DNAAF2: variants seen among roughly 807,000 people sequenced by gnomAD.
The protein encoded by DNAAF2 is dynein axonemal assembly factor 2.
Under a neutral mutation model 48.8 loss-of-function variants are expected in DNAAF2, and 58 were observed. The observed-to-expected ratio is 1.19, with a 90% CI of 0.96 to 1.48. DNAAF2 has a LOEUF of 1.48. Ranked by LOEUF, DNAAF2 falls within the 40% of genes most tolerant of loss-of-function variation. The pLI is 0.00. For synonymous variants in DNAAF2, 567 were observed against 481.2 expected (o/e 1.18, Z -2.33); for missense variants, 1,241 against 1,116.1 (o/e 1.11, Z -1.59).
intron 2 of DNAAF2, among the ~76,000 whole-genome samples, chr14:49,627,353 C>G (rs1364317080): frequency 6.6e-6 from 1 of 151,898 alleles, no homozygotes; most frequent in Non-Finnish European, 1.5e-5. Context: ...TAAAAATGAC[C>G]AAAATTAAGA....
At chr14:49,631,503 T>G (rs1883163987) in intron 1 of DNAAF2, among the ~76,000 whole-genome samples, 1 of 152,138 alleles carries the variant, frequency 6.6e-6, no homozygotes, top group Non-Finnish European at 1.5e-5. Flanking sequence ...CAGGTGCCTG[T>G]AGGCCCAGCT....
intron 1 of DNAAF2, among the ~76,000 whole-genome samples, chr14:49,631,221 C>A (rs561135248): frequency 1.8e-4 from 28 of 152,296 alleles, no homozygotes; most frequent in Admixed American, 1.5e-3. Context: ...TTCTAAGGTT[C>A]ATGCCTCTGG....
rs1337764174 is a variant in DNAAF2, at chr14:49,625,954, C to A, written c.2102G>T (p.Cys701Phe). 2 of 1,612,252 alleles carry A rather than the reference C, an allele frequency of 1.2e-6. No homozygotes were observed. Among genetic ancestry groups the A allele is most frequent in the Non-Finnish European group, 1.7e-6 (2 of 1,179,408 alleles). ...ATCAGAATCAGTTGTAGGGGTGTTA[C>A]AATGTTCTATATATTCCTTTTCAGT... Reference protein sequence around the residue: ...HLTEKEYIEHCNTPTTDSDSS... With the variant: ...HLTEKEYIEHFNTPTTDSDSS... Residue 701 changes from cysteine to phenylalanine, a missense_variant, in exon 3 of 3, where the codon TGT becomes TTT. Transcript: ENST00000298292.
At chr14:49,626,799 CTTTTTTTTTTT>C (rs34085502) in intron 2 of DNAAF2, among the ~76,000 whole-genome samples, 5 of 63,384 alleles carry the variant, frequency 7.9e-5, no homozygotes, top group South Asian at 7.3e-4. Flanking sequence ...TGCTGCCAGT[CTTTTTTTTTTT>C]TTTTTTTTTT....
intron 1 of DNAAF2, among the ~76,000 whole-genome samples, chr14:49,631,643 G>C (rs1171638546): frequency 1.3e-5 from 2 of 152,022 alleles, no homozygotes; most frequent in African/African-American, 4.8e-5. Context: ...CAGAAGATTT[G>C]CATAAACTTG....
At chr14:49,628,972 T>G (rs1395452374) in intron 1 of DNAAF2, among the ~76,000 whole-genome samples, 1 of 149,246 alleles carries the variant, frequency 6.7e-6, no homozygotes, top group East Asian at 1.9e-4. Flanking sequence ...TTTGTTTGAT[T>G]TTGTTTTTGA....
chr14:49,634,604 G>A lies in DNAAF2; in HGVS notation c.546C>T (p.Arg182=). 6.2e-7 allele frequency: 1 copy of A among 1,606,596 alleles called. No individual in the cohort carries two copies. The highest frequency in any genetic ancestry group is 8.5e-7 in the Non-Finnish European group (1 of 1,179,726). The part of the protein sequence containing the change: ...VEKQFGVKLD[R]RNAKTLKAKY... Reference sequence around the variant, plus strand: ...TGGCCTTCAGGGTCTTGGCATTCCTGCGGTCCAGCTTCACGCCGAACTGCT... The same window carrying A: ...TGGCCTTCAGGGTCTTGGCATTCCTACGGTCCAGCTTCACGCCGAACTGCT... Residue 182 remains arginine, a synonymous_variant, in exon 1 of 3, where the codon CGC becomes CGT. Coordinates refer to ENST00000298292, the MANE Select transcript of DNAAF2 (RefSeq NM_018139.3).
rs1175004755 is a variant in DNAAF2 at position 49,628,072 on chromosome 14, C to T, written c.1947G>A (p.Leu649=). The T allele has an allele frequency of 9.3e-5, 147 of 1,582,476 alleles. No individual in the cohort carries two copies. Among genetic ancestry groups the T allele is most frequent in the Non-Finnish European group, 1.2e-4 (143 of 1,162,614 alleles). ...GAAGAACTTCAATTAATGGTGGGGT[C>T]AAGGACATAGACTGTTTGAATGGAG... ...LSSPFKQSMS[L]TPPLIEVLQV... Residue 649 remains leucine (L), a synonymous_variant, in exon 2 of 3, where the codon TTG becomes TTA. Transcript: ENST00000298292.
intron 1 of DNAAF2, among the ~76,000 whole-genome samples, chr14:49,630,410 C>T (rs932422743): frequency 6.6e-6 from 1 of 151,892 alleles, no homozygotes; most frequent in African/African-American, 2.4e-5. Context: ...GGAGAATAAC[C>T]ATATTAACCA....
At chr14:49,627,428 T>C (rs915983293) in intron 2 of DNAAF2, among the ~76,000 whole-genome samples, 10 of 152,252 alleles carry the variant, frequency 6.6e-5, no homozygotes, top group African/African-American at 1.9e-4. Context: ...CAAAAAAGAT[T>C]GTATGTCCCT....
chr14:49,634,198 G>A lies in DNAAF2; in HGVS notation c.952C>T (p.Leu318=). The A allele has an allele frequency of 6.2e-7, 1 of 1,611,834 alleles. No individual in the cohort carries two copies. The highest frequency in any genetic ancestry group is 1.1e-5 in the South Asian group (1 of 91,010). The change falls in exon 1 of 3, where the codon CTG becomes TTG. Residue 318 remains leucine, a synonymous_variant. Coordinates refer to ENST00000298292, the MANE Select transcript of DNAAF2 (RefSeq NM_018139.3). The part of the protein sequence containing the change: ...CLDSRKPDYR[L]RLSLPYPVDD... ...ACTGGGTACGGGAGCGAGAGCCGCAGCCGGTAGTCAGGTTTCCTCGAGTCG... is the reference window on the plus strand; with the variant it reads ...ACTGGGTACGGGAGCGAGAGCCGCAACCGGTAGTCAGGTTTCCTCGAGTCG...
At position 49,634,091 on chromosome 14, in the gene DNAAF2, C is replaced by T. The variant is rs1382658232; in HGVS notation, c.1059G>A (p.Ala353=). ...VVTLPVVLPA[A]RREPAVAVAA... ...CGACGGCGACAGCGGGCTCCCGGCG[C>T]GCGGCCGGCAGCACCACTGGCAGCG... Residue 353 remains alanine (A), a synonymous_variant, in exon 1 of 3, where the codon GCG becomes GCA. Coordinates refer to ENST00000298292, the MANE Select transcript of DNAAF2 (RefSeq NM_018139.3). 1 of 1,540,820 alleles carries T rather than the reference C, an allele frequency of 6.5e-7. No individual in the cohort carries two copies. Among genetic ancestry groups the T allele is most frequent in the Non-Finnish European group, 8.7e-7 (1 of 1,144,208 alleles).
Position 49,628,066 on chromosome 14 carries a change from TG to T in DNAAF2, c.1952del (p.Pro651HisfsTer3). The part of the protein sequence containing the change: ...SPFKQSMSLT[P>X]PLIEVLQVTD... Reference sequence around the variant, plus strand: ...TAACTTGAAGAACTTCAATTAATGGTGGGGTCAAGGACATAGACTGTTTGAA... The same window carrying T: ...TAACTTGAAGAACTTCAATTAATGGTGGGTCAAGGACATAGACTGTTTGAA... On this transcript the variant is annotated frameshift_variant, in exon 2 of 3. Transcript: ENST00000298292. LOFTEE classifies it high-confidence loss of function. 1 of 1,579,692 alleles carries T rather than the reference TG, an allele frequency of 6.3e-7. No homozygotes were observed. Among genetic ancestry groups the T allele is most frequent in the Admixed American group, 1.8e-5 (1 of 54,544 alleles).
intron 2 of DNAAF2, among the ~76,000 whole-genome samples, chr14:49,626,797 G>GTTTTTT (rs1566508178): frequency 1.0e-5 from 1 of 97,544 alleles, no homozygotes; most frequent in African/African-American, 4.4e-5. Flanking sequence ...TCTGCTGCCA[G>GTTTTTT]TCTTTTTTTT....
At chr14:49,630,208 G>A (rs886439988) in intron 1 of DNAAF2, among the ~76,000 whole-genome samples, 8 of 150,038 alleles carry the variant, frequency 5.3e-5, no homozygotes, top group African/African-American at 2.0e-4. Context: ...TCCAGCCTGG[G>A]TGAGACAGAG....
intron 1 of DNAAF2, chr14:49,629,893 T>C (rs1041191398): frequency 6.6e-6 from 1 of 152,060 alleles, no homozygotes; most frequent in Non-Finnish European, 1.5e-5. Context: ...AGAGAGCATA[T>C]ATTCAGGGCA....
Position 49,625,666 on chromosome 14 carries a change from T to C in DNAAF2, c.2390A>G (p.Asn797Ser). ...TTTTATGCTGTCGAATCCAGGTATA[T>C]TGTGAACCGTAGTTTTGTTCAGTAA... The part of the protein sequence containing the change: ...SSLLNKTTVH[N>S]IPGFDSIKET... The change falls in exon 3 of 3, where the codon AAT (asparagine) becomes AGT (serine). Residue 797 changes from asparagine to serine, a missense_variant. Transcript: ENST00000298292. 1.2e-6 allele frequency: 2 copies of C among 1,613,764 alleles called. No individual in the cohort carries two copies. Among genetic ancestry groups the C allele is most frequent in the Non-Finnish European group, 1.7e-6 (2 of 1,179,766 alleles).
At chr14:49,630,688 CACACACACACACATAAACTCTCT>C (rs1183485390) in intron 1 of DNAAF2, among the ~76,000 whole-genome samples, 6 of 147,686 alleles carry the variant, frequency 4.1e-5, no homozygotes, top group Admixed American at 1.4e-4. Flanking sequence ...CACACACACA[CACACACACACACATAAACTCTCT>C]ACACACACAC....
chr14:49,633,717 C>G lies in DNAAF2; in HGVS notation c.1433G>C (p.Gly478Ala). ...PCLSSRSLAW[G>A]SSAGRESARG... Reference sequence around the variant, plus strand: ...CGCACTCTCTCTTCCCGCAGAAGAACCCCACGCCAGGCTCCGGGAGGACAA... The same window carrying G: ...CGCACTCTCTCTTCCCGCAGAAGAAGCCCACGCCAGGCTCCGGGAGGACAA... The change falls in exon 1 of 3, where the codon GGT (glycine) becomes GCT (alanine). Residue 478 changes from glycine (G) to alanine (A), a missense_variant. By Grantham distance (60) the Gly-to-Ala change is moderately conservative. Transcript: ENST00000298292. 6.3e-7 allele frequency: 1 copy of G among 1,598,344 alleles called. No homozygotes were observed. Among genetic ancestry groups the G allele is most frequent in the Non-Finnish European group, 8.5e-7 (1 of 1,171,124 alleles).
Sources: allele counts gnomAD v4.1 joint callset (sites outside exome capture counted in the v4.1 genomes callset), GRCh38; gene constraint gnomAD v4.1.1; transcripts MANE v1.5; gene names NCBI Gene and HGNC (gene_info 2026-07-23, HGNC 2026-07-21).